Variants in SIL1 observed in about 807,000 individuals in gnomAD.
The protein encoded by SIL1 is nucleotide exchange factor SIL1.
Under a neutral mutation model 49.1 loss-of-function variants are expected in SIL1, and 40 were observed. The ratio of observed to expected loss-of-function variants is 0.81; its 90% CI spans 0.63 to 1.06. The LOEUF is 1.06. Ranked by LOEUF, SIL1 falls within the 50% of genes least tolerant of loss-of-function variation. The pLI is 0.00. For missense variants in SIL1, 500 were observed against 572.6 expected, an observed-to-expected ratio of 0.87 and a Z score of 1.29; for synonymous variants, 253 against 250.8, an observed-to-expected ratio of 1.01 and a Z score of -0.08.
chr5:139,144,336 A>C (rs12173085), intron 1 of SIL1, among the ~76,000 whole-genome samples: 73 of 152,068 alleles, frequency 4.8e-4, no homozygotes, highest in Non-Finnish European at 8.8e-4. Flanking sequence ...AAAAAAACAA[A>C]AACAAAAAAC....
At chr5:139,071,855 C>T (rs561350418) in intron 3 of SIL1, among the ~76,000 whole-genome samples, 8 of 151,832 alleles carry the variant, frequency 5.3e-5, no homozygotes, top group South Asian at 2.1e-4. Flanking sequence ...TTAGTAGAGA[C>T]GGGGTTTCAC....
chr5:139,132,221 G>A (rs897824492), intron 1 of SIL1, among the ~76,000 whole-genome samples: 1 of 152,134 alleles, frequency 6.6e-6, no homozygotes, highest in African/African-American at 2.4e-5. Context: ...GGCCCAGAAG[G>A]GACTGAGGAA....
chr5:139,087,375 T>C (rs1301999926), intron 3 of SIL1, among the ~76,000 whole-genome samples: 1 of 151,448 alleles, frequency 6.6e-6, no homozygotes, highest in East Asian at 1.9e-4. Context: ...TGGGGAAGAG[T>C]GAGGCCACAA....
At chr5:139,087,398 A>G (rs1770246096) in intron 3 of SIL1, among the ~76,000 whole-genome samples, 1 of 151,798 alleles carries the variant, frequency 6.6e-6, no homozygotes, top group Admixed American at 6.6e-5. Context: ...ACATTGAAAG[A>G]CTCTAAGAAC....
At chr5:139,108,780 C>T (rs1036998714) in intron 3 of SIL1, among the ~76,000 whole-genome samples, 12 of 152,118 alleles carry the variant, frequency 7.9e-5, no homozygotes, top group African/African-American at 2.9e-4. Flanking sequence ...ACCTCTCCAT[C>T]TATTCATCCC....
At chr5:138,961,506 T>C (rs1376645403) in intron 7 of SIL1, among the ~76,000 whole-genome samples, 1 of 152,222 alleles carries the variant, frequency 6.6e-6, no homozygotes, top group African/African-American at 2.4e-5. Context: ...TTGAACCAGG[T>C]GGCCTAAAGC....
chr5:139,017,636 CT>C (rs777177498), intron 7 of SIL1, among the ~76,000 whole-genome samples: 66 of 152,212 alleles, frequency 4.3e-4, no homozygotes, highest in Non-Finnish European at 7.1e-4. Flanking sequence ...ATACTAGTTA[CT>C]TGATAGTTTA....
At chr5:139,118,515 T>C (rs1750527587) in intron 3 of SIL1, among the ~76,000 whole-genome samples, 2 of 152,142 alleles carry the variant, frequency 1.3e-5, no homozygotes, top group African/African-American at 4.8e-5. Context: ...AACAGAAATA[T>C]TCTGTGACTT....
intron 5 of SIL1, among the ~76,000 whole-genome samples, chr5:139,036,504 A>G (rs1472635672): frequency 6.6e-6 from 1 of 152,228 alleles, no homozygotes; most frequent in Non-Finnish European, 1.5e-5. Context: ...AGACCATGGA[A>G]TACTACGCAG....
At chr5:139,116,963 C>A (rs1771004020) in intron 3 of SIL1, among the ~76,000 whole-genome samples, 1 of 152,168 alleles carries the variant, frequency 6.6e-6, no homozygotes, top group African/African-American at 2.4e-5. Context: ...TTCTAAGCAA[C>A]CTGAGCAAGG....
chr5:139,174,549 G>A (rs567511783), intron 1 of SIL1, among the ~76,000 whole-genome samples: 21 of 152,230 alleles, frequency 1.4e-4, no homozygotes, highest in Admixed American at 1.2e-3. Context: ...AGGTATGGTG[G>A]CACATGCCTG....
chr5:139,170,313 T>C (rs547662601), intron 1 of SIL1, among the ~76,000 whole-genome samples: 4 of 152,050 alleles, frequency 2.6e-5, no homozygotes, highest in African/African-American at 9.6e-5. Context: ...GAGGAGCGTC[T>C]CTGCTTGGCC....
At chr5:139,159,808 G>T (rs569776898) in intron 1 of SIL1, among the ~76,000 whole-genome samples, 1 of 152,170 alleles carries the variant, frequency 6.6e-6, no homozygotes, top group Non-Finnish European at 1.5e-5. Context: ...CTCAATTCTT[G>T]TGAACACAAA....
chr5:138,951,798 G>A lies in SIL1; in HGVS notation c.854C>T (p.Ala285Val). ...VILATEQPLT[A>V]KKKVLFALCS... ...GGCATGGAAACACACCTTCTTCTTT[G>A]CAGTGAGCGGCTGCTCCGTGGCCAG... Residue 285 changes from alanine to valine, a missense_variant, in exon 8 of 10, where the codon GCA becomes GTA. Coordinates refer to ENST00000394817, the MANE Select transcript of SIL1 (RefSeq NM_022464.5). The A allele has an allele frequency of 6.2e-7, 1 of 1,613,978 alleles. No homozygotes were observed. Among genetic ancestry groups the A allele is most frequent in the Non-Finnish European group, 8.5e-7 (1 of 1,179,946 alleles).
intron 3 of SIL1, among the ~76,000 whole-genome samples, chr5:139,082,403 G>A (rs1219157291): frequency 6.6e-6 from 1 of 152,138 alleles, no homozygotes; most frequent in Non-Finnish European, 1.5e-5. Context: ...CTGACTAGCT[G>A]TCAACACCTT....
intron 3 of SIL1, 68 bp from the exon 4 acceptor site, chr5:139,051,114 A>C (rs1769275439): frequency 7.0e-7 from 1 of 1,420,808 alleles, no homozygotes; most frequent in Admixed American, 1.7e-5. Flanking sequence ...GATGGCCAGC[A>C]AGCCAACAGG....
chr5:139,056,134 C>T (rs1168895213), intron 3 of SIL1, among the ~76,000 whole-genome samples: 4 of 151,312 alleles, frequency 2.6e-5, no homozygotes, highest in East Asian at 2.0e-4. Flanking sequence ...GGCCACCCAT[C>T]GTCTGGGATG....
chr5:139,051,643 A>G (rs1203465222), intron 3 of SIL1, among the ~76,000 whole-genome samples: 3 of 152,192 alleles, frequency 2.0e-5, no homozygotes, highest in African/African-American at 7.2e-5. Flanking sequence ...AAAGTGTGGC[A>G]CTTAACGTTA....
chr5:139,111,949 A>AT (rs1770853633), intron 3 of SIL1, among the ~76,000 whole-genome samples: 1 of 152,070 alleles, frequency 6.6e-6, no homozygotes, highest in African/African-American at 2.4e-5. Flanking sequence ...TCCCTGCCTG[A>AT]TTCTCCTGCC....
Sources: allele counts gnomAD v4.1 joint callset (sites outside exome capture counted in the v4.1 genomes callset), GRCh38; gene constraint gnomAD v4.1.1; transcripts MANE v1.5; gene names NCBI Gene and HGNC (gene_info 2026-07-23, HGNC 2026-07-21).